PLB1: variants seen among roughly 807,000 people sequenced by gnomAD.
PLB1 encodes the protein phospholipase B1, membrane-associated.
A neutral mutation model predicts 227.4 loss-of-function variants in PLB1; 242 were observed. The observed-to-expected ratio is 1.06, with a 90% CI of 0.96 to 1.18. The LOEUF is 1.18. Among genes scored for constraint, PLB1 ranks in the 50% most tolerant of loss-of-function variants. The pLI is 0.00. For synonymous variants in PLB1, 757 were observed against 682.2 expected (o/e 1.11, Z -1.71); for missense variants, 1,858 against 1,816.3 (o/e 1.02, Z -0.42).
intron 25 of PLB1, among the ~76,000 whole-genome samples, chr2:28,583,684 G>C (rs1383089482): frequency 1.2e-4 from 18 of 152,226 alleles, no homozygotes; most frequent in East Asian, 3.9e-4. Context: ...GCCCACAAAG[G>C]GTAGCAAAAT....
chr2:28,635,193 A>G (rs1689152098), intron 56 of PLB1, among the ~76,000 whole-genome samples: 1 of 152,214 alleles, frequency 6.6e-6, no homozygotes, highest in South Asian at 2.1e-4. Flanking sequence ...CCTAGGCTCT[A>G]TAATTTGGGG....
intron 53 of PLB1, 63 bp from the exon 54 acceptor site, chr2:28,630,523 C>T (rs1261815333): frequency 1.4e-6 from 2 of 1,461,896 alleles, no homozygotes; most frequent in African/African-American, 1.4e-5. Context: ...CAGAGCCAGC[C>T]TCCCAGGAGG....
intron 14 of PLB1, chr2:28,548,601 A>AT: frequency 5.6e-6 from 3 of 539,190 alleles, no homozygotes; most frequent in Admixed American, 2.5e-5. Context: ...ATATATATAT[A>AT]AAACCGATGC....
At chr2:28,601,468 AC>A (rs772612049) in intron 37 of PLB1, 136 bp downstream of exon 37, 1 of 608,742 alleles carries the variant, frequency 1.6e-6, no homozygotes, top group African/African-American at 2.9e-5. Context: ...ATATACACAT[AC>A]CACACACACA....
At position 28,581,482 on chromosome 2, in the gene PLB1, C is replaced by CAAAAAAAAAA. The variant is rs149826765; in HGVS notation, c.1567-579_1567-578insAAAAAAAAAA. 3.1e-4 allele frequency among the ~76,000 whole-genome samples: 18 copies of CAAAAAAAAAA among 58,310 alleles called. 1 individual carries two copies. The highest frequency in any genetic ancestry group is 1.6e-3 in the African/African-American group (18 of 11,472). The allele number at this position is 58,310 out of a possible 152,430, so 38.3% of individuals were successfully genotyped here. ...TATGGAGTAGATCCAGAGCTCCACG[C>CAAAAAAAAAA]AAAAAAATAAATAAATAAATAAATA... On this transcript the variant is annotated intron_variant, in intron 23 of 57. Transcript: ENST00000327757.
intron 54 of PLB1, 90 bp from the exon 55 acceptor site, chr2:28,631,946 C>A: frequency 9.4e-7 from 1 of 1,059,738 alleles, no homozygotes; most frequent in Non-Finnish European, 1.5e-6. Context: ...TGAGTTGACT[C>A]CCGTCAACAA....
At chr2:28,518,335 G>A (rs1404513852) in intron 2 of PLB1, 131 bp from the exon 3 acceptor site, 6 of 712,406 alleles carry the variant, frequency 8.4e-6, no homozygotes, top group Non-Finnish European at 1.5e-5. Context: ...AAATGACTAT[G>A]GGCAATTGTT....
chr2:28,548,604 A>G (rs914605660), intron 14 of PLB1: 2 of 526,630 alleles, frequency 3.8e-6, no homozygotes, highest in East Asian at 8.4e-5. Context: ...TATATATAAA[A>G]CCGATGCTGC....
At position 28,581,485 on chromosome 2, in the gene PLB1, A is replaced by AT. The variant is rs1400725305; in HGVS notation, c.1567-583_1567-582insT. On this transcript the variant is annotated intron_variant, in intron 23 of 57. Transcript: ENST00000327757. ...GGAGTAGATCCAGAGCTCCACGCAA[A>AT]AAAATAAATAAATAAATAAATAAAT... Among the ~76,000 whole-genome samples, 79 of 70,550 alleles carry AT rather than the reference A, an allele frequency of 1.1e-3. 3 individuals are homozygous for AT. Among genetic ancestry groups the AT allele is most frequent in the African/African-American group, 4.5e-3 (75 of 16,812 alleles). 46.3% of individuals were successfully genotyped at this position (70,550 alleles called of 152,430 possible).
chr2:28,518,334 T>C, intron 2 of PLB1, 132 bp from the exon 3 acceptor site: 1 of 708,740 alleles, frequency 1.4e-6, no homozygotes, highest in South Asian at 1.7e-5. Flanking sequence ...AAAATGACTA[T>C]GGGCAATTGT....
intron 50 of PLB1, among the ~76,000 whole-genome samples, chr2:28,625,998 CTTTTTT>C (rs774136235): frequency 7.3e-6 from 1 of 137,076 alleles, no homozygotes; most frequent in African/African-American, 2.7e-5. Context: ...TGTTGCTTTT[CTTTTTT>C]TTTTTTTTTT....
At chr2:28,565,400 C>T (rs1416458292) in intron 19 of PLB1, 47 bp downstream of exon 19, 2 of 1,524,156 alleles carry the variant, frequency 1.3e-6, no homozygotes, top group Non-Finnish European at 1.8e-6. Flanking sequence ...CATTGCAGAG[C>T]AAGGGAAGCC....
At chr2:28,523,015 A>G (rs1669729126) in intron 4 of PLB1, among the ~76,000 whole-genome samples, 1 of 152,184 alleles carries the variant, frequency 6.6e-6, no homozygotes. Context: ...ACCTAGGTAT[A>G]CGCACTTCTT....
At chr2:28,614,452 T>C (rs931919815) in intron 44 of PLB1, among the ~76,000 whole-genome samples, 2 of 152,114 alleles carry the variant, frequency 1.3e-5, no homozygotes, top group Admixed American at 6.5e-5. Context: ...AGGTGGAGGC[T>C]GAGTGGGAGG....
At chr2:28,502,839 A>G (rs28778023) in intron 1 of PLB1, among the ~76,000 whole-genome samples, 100 of 152,300 alleles carry the variant, frequency 6.6e-4, no homozygotes, top group African/African-American at 1.2e-3. Context: ...GAACTTGCCA[A>G]TGAAGCCATC....
At chr2:28,517,499 C>T (rs1668991810) in intron 2 of PLB1, among the ~76,000 whole-genome samples, 1 of 152,166 alleles carries the variant, frequency 6.6e-6, no homozygotes, top group Non-Finnish European at 1.5e-5. Context: ...ATTCCTTCCT[C>T]CAGGCTCAGG....
intron 30 of PLB1, among the ~76,000 whole-genome samples, chr2:28,591,438 G>T (rs1240926890): frequency 6.6e-6 from 1 of 152,228 alleles, no homozygotes; most frequent in African/African-American, 2.4e-5. Flanking sequence ...AGAAGCAGGG[G>T]CAGGTGTGGA....
At chr2:28,631,986 T>G in intron 54 of PLB1, 50 bp from the exon 55 acceptor site, 1 of 1,490,994 alleles carries the variant, frequency 6.7e-7, no homozygotes. Flanking sequence ...CTGGACCCTG[T>G]CTGTGCAGCC....
At chr2:28,636,000 T>A (rs376836586) in intron 56 of PLB1, among the ~76,000 whole-genome samples, 30 of 150,160 alleles carry the variant, frequency 2.0e-4, no homozygotes, top group African/African-American at 5.4e-4. Flanking sequence ...TGTGTGTATG[T>A]ATGTGTATGT....
Sources: allele counts gnomAD v4.1 joint callset (sites outside exome capture counted in the v4.1 genomes callset), GRCh38; gene constraint gnomAD v4.1.1; transcripts MANE v1.5; gene names NCBI Gene and HGNC (gene_info 2026-07-23, HGNC 2026-07-21).